ZNF248: variants seen among roughly 807,000 people sequenced by gnomAD.
The protein encoded by ZNF248 is zinc finger protein 248.
Under a neutral mutation model 44.3 loss-of-function variants are expected in ZNF248, and 20 were observed. The observed-to-expected ratio is 0.45, with a 90% CI of 0.32 to 0.66. The LOEUF is 0.66. Ranked by LOEUF, ZNF248 falls within the 30% of genes least tolerant of loss-of-function variation. ZNF248 has a pLI of 0.04. For synonymous variants in ZNF248, 224 were observed against 229.0 expected, an observed-to-expected ratio of 0.98 and a Z score of 0.20; for missense variants, 654 against 677.0, an observed-to-expected ratio of 0.97 and a Z score of 0.38.
At chr10:37,844,852 T>C (rs1489059127) in intron 3 of ZNF248, among the ~76,000 whole-genome samples, 1 of 152,106 alleles carries the variant, frequency 6.6e-6, no homozygotes, top group African/African-American at 2.4e-5. Context: ...CTGGCAGAAG[T>C]GAGTCCTTCC....
the ZNF248 span, among the ~76,000 whole-genome samples, chr10:37,760,094 C>A: frequency 1.3e-5 from 2 of 152,130 alleles, no homozygotes; most frequent in African/African-American, 4.8e-5. Context: ...GTTTTTACAC[C>A]TCAGGGTAAT....
intron 6 of ZNF248, among the ~76,000 whole-genome samples, chr10:37,779,794 G>T (rs1241978734): frequency 6.7e-6 from 1 of 149,456 alleles, no homozygotes; most frequent in Non-Finnish European, 1.5e-5. Context: ...ATCTCCTTAA[G>T]CTGATAAGCA....
At chr10:37,816,927 T>C (rs1186934466) in intron 6 of ZNF248, among the ~76,000 whole-genome samples, 3 of 151,956 alleles carry the variant, frequency 2.0e-5, no homozygotes, top group African/African-American at 7.2e-5. Flanking sequence ...CACTACTAAG[T>C]CAAAGTAAGG....
chr10:37,769,069 C>G, the ZNF248 span, among the ~76,000 whole-genome samples: 2 of 152,046 alleles, frequency 1.3e-5, no homozygotes, highest in African/African-American at 4.8e-5. Context: ...AAGACTAAAC[C>G]AGGAAGAAGT....
intron 3 of ZNF248, among the ~76,000 whole-genome samples, chr10:37,843,710 GAAAT>G (rs1259098372): frequency 6.6e-6 from 1 of 152,138 alleles, no homozygotes; most frequent in Non-Finnish European, 1.5e-5. Flanking sequence ...AACTGAGTTG[GAAAT>G]TGTAAAAAGA....
Position 37,822,670 on chromosome 10 carries a change from G to A in ZNF248, c.330+10355C>T, listed in dbSNP as rs562921738. On this transcript the variant is annotated intron_variant, in intron 6 of 6. Transcript: ENST00000615949. Reference sequence around the variant, plus strand: ...CTTGATCAGGGGTGTCCAATCTTTTGTCTTCCGTGGGCCACAATGGAAGGA... The same window carrying A: ...CTTGATCAGGGGTGTCCAATCTTTTATCTTCCGTGGGCCACAATGGAAGGA... Among the ~76,000 whole-genome samples, 9 of 152,202 alleles carry A rather than the reference G, an allele frequency of 5.9e-5. No homozygotes were observed. In the East Asian group the frequency reaches 1.7e-3, roughly 29 times the overall value.
intron 5 of ZNF248, among the ~76,000 whole-genome samples, chr10:37,836,800 AC>A (rs2057302792): frequency 6.9e-6 from 1 of 144,810 alleles, no homozygotes; most frequent in African/African-American, 2.6e-5. Flanking sequence ...ACACACACAC[AC>A]ACACGCATTT....
intron 3 of ZNF248, 117 bp from the exon 4 acceptor site, chr10:37,838,228 C>A: frequency 1.1e-6 from 1 of 873,750 alleles, no homozygotes. Flanking sequence ...TCCCTCTGTG[C>A]TGCTATACTA....
chr10:37,813,641 A>G (rs2051928423), intron 6 of ZNF248, among the ~76,000 whole-genome samples: 1 of 152,200 alleles, frequency 6.6e-6, no homozygotes, highest in African/African-American at 2.4e-5. Flanking sequence ...AATATAGTAT[A>G]TAATACATAT....
At chr10:37,770,011 C>A in the ZNF248 span, among the ~76,000 whole-genome samples, 1 of 152,208 alleles carries the variant, frequency 6.6e-6, no homozygotes, top group Non-Finnish European at 1.5e-5. Flanking sequence ...CATGAGTGAA[C>A]TCCCTTTCAC....
rs537444722 is a variant in ZNF248 at position 37,821,027 on chromosome 10, T to C, written c.330+11998A>G. ...TCCCGAGACTAAAGGTGCTCTGGGATCCCAAAGACCTACATAATTTTAATC... is the reference window on the plus strand; with the variant it reads ...TCCCGAGACTAAAGGTGCTCTGGGACCCCAAAGACCTACATAATTTTAATC... On this transcript the variant is annotated intron_variant, in intron 6 of 6. Coordinates refer to the ZNF248 transcript ENST00000615949. 63 of 1,194,010 alleles carry C rather than the reference T, an allele frequency of 5.3e-5. 1 individual carries two copies. The South Asian group carries it at 7.4e-4, about 14-fold the overall frequency. 74.0% of individuals were successfully genotyped at this position (1,194,010 alleles called of 1,614,324 possible). A position where few individuals can be genotyped will look rare whatever the true frequency, so the allele number is the denominator to read the frequency against.
chr10:37,842,999 C>T (rs113786526), intron 3 of ZNF248, among the ~76,000 whole-genome samples: 5 of 152,230 alleles, frequency 3.3e-5, no homozygotes, highest in African/African-American at 1.2e-4. Flanking sequence ...AAGAGTACCC[C>T]AGCGCAGAGT....
At chr10:37,795,183 G>A (rs543407560) in intron 6 of ZNF248, 2 of 152,294 alleles carry the variant, frequency 1.3e-5, no homozygotes, top group Non-Finnish European at 2.9e-5. Context: ...TGTACGTACA[G>A]TAGAATGTGA....
chr10:37,848,731 T>TG (rs1362993367), intron 3 of ZNF248, among the ~76,000 whole-genome samples: 1 of 152,154 alleles, frequency 6.6e-6, no homozygotes, highest in Non-Finnish European at 1.5e-5. Flanking sequence ...AGCTTGGAGA[T>TG]GTTCTAGGTT....
chr10:37,843,002 C>T lies in ZNF248; in HGVS notation c.16-4891G>A, dbSNP rs531531027. ...GGCTAAATGTTAAAGAGTACCCCAG[C>T]GCAGAGTCAATGTGCAAAGACTGAG... On this transcript the variant is annotated intron_variant, in intron 3 of 5. Transcript: ENST00000395867. Among the ~76,000 whole-genome samples, 6 of 152,228 alleles carry T rather than the reference C, an allele frequency of 3.9e-5. 1 individual carries two copies. The South Asian group carries it at 1.2e-3, about 32-fold the overall frequency.
intron 3 of ZNF248, among the ~76,000 whole-genome samples, chr10:37,844,046 C>A (rs542332466): frequency 6.6e-6 from 1 of 152,186 alleles, no homozygotes; most frequent in South Asian, 2.1e-4. Flanking sequence ...CTAAGAATAA[C>A]ACAAATCTTA....
chr10:37,789,808 T>C (rs1279537256), intron 6 of ZNF248, among the ~76,000 whole-genome samples: 2 of 152,202 alleles, frequency 1.3e-5, no homozygotes, highest in South Asian at 2.1e-4. Flanking sequence ...AGGAGTTATA[T>C]ATTTCTCAAT....
At chr10:37,840,133 C>G (rs1415020737) in intron 3 of ZNF248, among the ~76,000 whole-genome samples, 1 of 152,100 alleles carries the variant, frequency 6.6e-6, no homozygotes, top group East Asian at 1.9e-4. Context: ...AATGAAAACA[C>G]TACTTATCAA....
rs2056049517 is a variant in ZNF248, at chr10:37,832,491, C to G, written c.864G>C (p.Gln288His). The G allele has an allele frequency of 1.2e-6, 2 of 1,613,916 alleles. No individual in the cohort carries two copies. Among genetic ancestry groups the G allele is most frequent in the East Asian group, 4.5e-5 (2 of 44,874 alleles). Residue 288 changes from glutamine to histidine, a missense_variant, in exon 6 of 6, where the codon CAG becomes CAC. Gln to His is a conservative substitution (Grantham distance 24, BLOSUM62 0). Coordinates refer to ENST00000395867, the MANE Select transcript of ZNF248 (RefSeq NM_021045.3). Reference sequence around the variant, plus strand: ...AAGGATTGTCCTTTGTAAGAGCTCTCTGATGTCCAAACCTTAAATTCATGC... The same window carrying G: ...AAGGATTGTCCTTTGTAAGAGCTCTGTGATGTCCAAACCTTAAATTCATGC... ...SFCMNLRFGH[Q>H]RALTKDNPYE...
Sources: gnomAD v4.1 joint callset for allele counts (sites outside exome capture counted in the v4.1 genomes callset) on GRCh38, gnomAD v4.1.1 for gene constraint, MANE v1.5 for transcripts, NCBI Gene and HGNC (gene_info 2026-07-23, HGNC 2026-07-21) for gene names.